Variants in DNMBP observed in about 807,000 individuals in gnomAD.
DNMBP encodes the protein dynamin binding protein, also known as dynamin-binding protein.
A neutral mutation model predicts 150.0 loss-of-function variants in DNMBP; 87 were observed. The observed-to-expected ratio is 0.58, with a 90% CI of 0.49 to 0.69. DNMBP has a LOEUF of 0.69. DNMBP is among the 30% of genes least tolerant of loss of function. The probability of loss-of-function intolerance (pLI) is 0.00; values close to 1 mark genes in which losing one functional copy is unlikely to be tolerated. For synonymous variants in DNMBP, 711 were observed against 750.4 expected, an observed-to-expected ratio of 0.95 and a Z score of 0.86; for missense variants, 1,774 against 1,949.0, an observed-to-expected ratio of 0.91 and a Z score of 1.69.
rs115846771 is a variant in DNMBP at position 99,880,219 on chromosome 10, G to A, written c.4140C>T (p.Gly1380=). The A allele has an allele frequency of 3.7e-6, 6 of 1,614,178 alleles. No individual in the cohort carries two copies. The African/African-American group carries it at 8.0e-5, about 22-fold the overall frequency. The part of the protein sequence containing the change: ...SSPRFPRQNS[G]STLTFNPSSM... The stretch of plus-strand genomic sequence containing the variant: ...TGCTGGGGTTGAAGGTCAGGGTGCT[G>A]CCGCTGTTCTGGCGTGGGAACCTGG... The change falls in exon 16 of 17, where the codon GGC becomes GGT. Residue 1380 remains glycine, a synonymous_variant. Transcript: ENST00000324109.
intron 3 of DNMBP, among the ~76,000 whole-genome samples, chr10:99,962,437 C>T (rs2040574584): frequency 6.6e-6 from 1 of 152,198 alleles, no homozygotes; most frequent in South Asian, 2.1e-4. Flanking sequence ...TGAGACCATC[C>T]TGGCTAACAC....
chr10:99,886,514 G>T lies in DNMBP; in HGVS notation c.3404C>A (p.Thr1135Lys). 5 of 1,614,146 alleles carry T rather than the reference G, an allele frequency of 3.1e-6. No individual in the cohort carries two copies. The highest frequency in any genetic ancestry group is 4.2e-6 in the Non-Finnish European group (5 of 1,180,028). Reference sequence around the variant, plus strand: ...GTCCTTTAGCTTTTCTGCCCGTTCTGTACAGTTATAGAAGTCCAGGAGCTT... The same window carrying T: ...GTCCTTTAGCTTTTCTGCCCGTTCTTTACAGTTATAGAAGTCCAGGAGCTT... The part of the protein sequence containing the change: ...FDKLLDFYNC[T>K]ERAEKLKDKK... The change falls in exon 13 of 17, where the codon ACA becomes AAA. Residue 1135 changes from threonine (T) to lysine (K), a missense_variant. By Grantham distance (78) the Thr-to-Lys change is moderately conservative. This residue lies in a region of DNMBP where 1,430 missense variants were observed against 1,492.5 expected (regional missense o/e 0.96). Coordinates refer to ENST00000324109, the MANE Select transcript of DNMBP (RefSeq NM_015221.4).
intron 4 of DNMBP, among the ~76,000 whole-genome samples, chr10:99,934,658 C>A (rs2040204113): frequency 7.4e-6 from 1 of 135,006 alleles, no homozygotes; most frequent in African/African-American, 2.8e-5. Flanking sequence ...AAAGTTTGGC[C>A]CGGGGAGGGA....
At chr10:99,949,576 T>C (rs575030768) in intron 4 of DNMBP, among the ~76,000 whole-genome samples, 19 of 152,334 alleles carry the variant, frequency 1.2e-4, no homozygotes, top group African/African-American at 4.6e-4. Context: ...TAAGTAATTT[T>C]ATCATATTAG....
chr10:99,968,950 A>C (rs1337649416), intron 3 of DNMBP, among the ~76,000 whole-genome samples, 165 bp downstream of exon 3: 1 of 152,166 alleles, frequency 6.6e-6, no homozygotes, highest in Non-Finnish European at 1.5e-5. Flanking sequence ...GAAATTTTAA[A>C]ATGGTACTAA....
intron 4 of DNMBP, among the ~76,000 whole-genome samples, chr10:99,931,488 G>C (rs532024688): frequency 8.5e-5 from 13 of 152,328 alleles, no homozygotes; most frequent in South Asian, 6.2e-4. Context: ...GATCTGGTGA[G>C]TAGGTGATTT....
chr10:99,988,140 A>G (rs1464406085), intron 1 of DNMBP, among the ~76,000 whole-genome samples: 1 of 152,190 alleles, frequency 6.6e-6, no homozygotes, highest in Non-Finnish European at 1.5e-5. Context: ...GTCCAATGAG[A>G]TGACCATTTT....
At position 99,880,103 on chromosome 10, in the gene DNMBP, C is replaced by CT. The variant is rs1449796731; in HGVS notation, c.4255dup (p.Ser1419LysfsTer8). Reference sequence around the variant, plus strand: ...TGAATTACTCGGATTTAGGGATGCACTGAGAGTTCCTTGGTCACATTCTTT... The same window carrying CT: ...TGAATTACTCGGATTTAGGGATGCACTTGAGAGTTCCTTGGTCACATTCTTT... On this transcript the variant is annotated frameshift_variant, in exon 16 of 17. Coordinates refer to ENST00000324109, the MANE Select transcript of DNMBP (RefSeq NM_015221.4). LOFTEE classifies it high-confidence loss of function. 2.5e-6 allele frequency: 4 copies of CT among 1,614,194 alleles called. No individual in the cohort carries two copies. The highest frequency in any genetic ancestry group is 1.1e-5 in the South Asian group (1 of 91,086).
intron 1 of DNMBP, among the ~76,000 whole-genome samples, chr10:99,990,833 A>G (rs1436000890): frequency 1.4e-5 from 1 of 71,086 alleles, no homozygotes; most frequent in East Asian, 4.2e-4. Context: ...ACACATATAC[A>G]TATACACACA....
intron 1 of DNMBP, among the ~76,000 whole-genome samples, chr10:100,009,545 T>C (rs949639472): frequency 3.3e-5 from 5 of 152,198 alleles, no homozygotes; most frequent in Non-Finnish European, 1.5e-5. Context: ...GAAAGAGCCC[T>C]GGGCTTGACA....
At chr10:99,975,979 G>A (rs1036564251) in intron 1 of DNMBP, among the ~76,000 whole-genome samples, 1 of 152,276 alleles carries the variant, frequency 6.6e-6, no homozygotes, top group Non-Finnish European at 1.5e-5. Context: ...CCATTTGGCA[G>A]GTGGGGACAC....
At position 99,957,218 on chromosome 10, in the gene DNMBP, G is replaced by C. The variant is rs1333880207; in HGVS notation, c.269-13C>G. On this transcript the variant is annotated splice_polypyrimidine_tract_variant and intron_variant, in intron 3 of 16. Transcript: ENST00000324109. Reference sequence around the variant, plus strand: ...ATCACCAGGTCACCTAAAGAAAAGAGGAGCAGAGATGGTGACCTCAGTCAT... The same window carrying C: ...ATCACCAGGTCACCTAAAGAAAAGACGAGCAGAGATGGTGACCTCAGTCAT... The C allele has an allele frequency of 1.3e-6, 2 of 1,594,726 alleles. No individual in the cohort carries two copies. The highest frequency in any genetic ancestry group is 2.2e-5 in the East Asian group (1 of 44,676).
intron 12 of DNMBP, 125 bp downstream of exon 12, chr10:99,888,700 A>T (rs2039509481): frequency 4.5e-6 from 5 of 1,112,188 alleles, no homozygotes; most frequent in Non-Finnish European, 5.1e-6. Flanking sequence ...CAATATGAAT[A>T]TAGCTAAAGG....
intron 4 of DNMBP, among the ~76,000 whole-genome samples, chr10:99,952,015 T>C (rs1440216139): frequency 6.6e-6 from 1 of 152,084 alleles, no homozygotes; most frequent in Non-Finnish European, 1.5e-5. Flanking sequence ...AATTGAATCA[T>C]GGGGGCAGGT....
chr10:99,896,270 A>C lies in DNMBP; in HGVS notation c.3048T>G (p.Pro1016=). ...CCTTCCAGGATGGGGATCTCACCTGAGGAGCAAAGCCAGTGAGATGCTTCA... is the reference window on the plus strand; with the variant it reads ...CCTTCCAGGATGGGGATCTCACCTGCGGAGCAAAGCCAGTGAGATGCTTCA... ...SHLKHLTGFA[P]QIKDEVFEET... The change falls in exon 10 of 17, where the codon CCT becomes CCG. Residue 1016 remains proline (P), a synonymous_variant. Transcript: ENST00000324109. 6.2e-7 allele frequency: 1 copy of C among 1,614,074 alleles called. No individual in the cohort carries two copies.
chr10:99,944,115 C>T (rs370018681), intron 4 of DNMBP, among the ~76,000 whole-genome samples: 6 of 152,096 alleles, frequency 3.9e-5, no homozygotes, highest in South Asian at 2.1e-4. Flanking sequence ...AATGGGGTTC[C>T]GGAACTGACC....
intron 1 of DNMBP, among the ~76,000 whole-genome samples, chr10:99,991,635 A>G (rs184523385): frequency 1.5e-4 from 23 of 151,924 alleles, no homozygotes; most frequent in African/African-American, 5.3e-4. Context: ...TTGTGCTAAG[A>G]AGCCAATCAC....
intron 1 of DNMBP, among the ~76,000 whole-genome samples, chr10:99,999,116 C>G (rs1341619206): frequency 6.6e-6 from 1 of 152,184 alleles, no homozygotes. Flanking sequence ...CCCTCCACAG[C>G]TAACAGAGTG....
rs769695607 is a variant in DNMBP, at chr10:99,877,201, T to C, written c.4684A>G (p.Lys1562Glu). 1 of 1,613,808 alleles carries C rather than the reference T, an allele frequency of 6.2e-7. No individual in the cohort carries two copies. Among genetic ancestry groups the C allele is most frequent in the Non-Finnish European group, 8.5e-7 (1 of 1,179,974 alleles). Residue 1562 changes from lysine to glutamate, a missense_variant, in exon 17 of 17, where the codon AAG (lysine) becomes GAG (glutamate). Coordinates refer to ENST00000324109, the MANE Select transcript of DNMBP (RefSeq NM_015221.4). ...TAATTGGAGGGAACGTAGCCCTTCT[T>C]CCCGTTAACCTCAGCTAACCACCAC... ...TEWWLAEVNG[K>E]KGYVPSNYIR...
Sources: gnomAD v4.1 joint callset for allele counts (sites outside exome capture counted in the v4.1 genomes callset) on GRCh38, gnomAD v4.1.1 for gene constraint, gnomAD v4.1.1 regional missense constraint, MANE v1.5 for transcripts, NCBI Gene and HGNC (gene_info 2026-07-23, HGNC 2026-07-21) for gene names.